CSNK2A2IP: variants seen among roughly 807,000 people sequenced by gnomAD.
CSNK2A2IP encodes the protein casein kinase II subunit alpha'-interacting protein.
the CSNK2A2IP span, among the ~76,000 whole-genome samples, chr3:88,358,708 T>C: frequency 3.3e-5 from 5 of 152,174 alleles, no homozygotes; most frequent in African/African-American, 1.2e-4. Flanking sequence ...ATAATGAATC[T>C]TTTTACTGTG....
At chr3:88,447,166 A>G in the CSNK2A2IP span, among the ~76,000 whole-genome samples, 3 of 152,306 alleles carry the variant, frequency 2.0e-5, no homozygotes, top group Admixed American at 1.3e-4. Flanking sequence ...AAACACATCT[A>G]TTGAAACATA....
chr3:88,436,477 A>C, the CSNK2A2IP span, among the ~76,000 whole-genome samples: 1 of 152,156 alleles, frequency 6.6e-6, no homozygotes, highest in Admixed American at 6.5e-5. Flanking sequence ...TTCCTTAGTC[A>C]AACTGATGGT....
the CSNK2A2IP span, among the ~76,000 whole-genome samples, chr3:88,428,704 C>G: frequency 1.3e-5 from 2 of 151,986 alleles, no homozygotes; most frequent in African/African-American, 4.8e-5. Flanking sequence ...ATTGAGAAAA[C>G]AGTTTGAGGG....
At chr3:88,420,711 T>A in the CSNK2A2IP span, among the ~76,000 whole-genome samples, 1 of 152,132 alleles carries the variant, frequency 6.6e-6, no homozygotes, top group Non-Finnish European at 1.5e-5. Flanking sequence ...GGGCTCAGAC[T>A]AAGGGTTATG....
chr3:88,411,760 A>T, the CSNK2A2IP span, among the ~76,000 whole-genome samples: 7 of 151,676 alleles, frequency 4.6e-5, no homozygotes, highest in Admixed American at 6.6e-5. Context: ...CTGAATTGAG[A>T]TGTTTTGTGA....
At chr3:88,388,323 C>T in the CSNK2A2IP span, among the ~76,000 whole-genome samples, 2 of 152,102 alleles carry the variant, frequency 1.3e-5, no homozygotes, top group Non-Finnish European at 2.9e-5. Context: ...GGTGCTAGGC[C>T]AATTATGTTA....
the CSNK2A2IP span, among the ~76,000 whole-genome samples, chr3:88,453,829 T>C: frequency 6.6e-6 from 1 of 152,052 alleles, no homozygotes; most frequent in African/African-American, 2.4e-5. Flanking sequence ...CTACAATTGG[T>C]TGATTCATTT....
the CSNK2A2IP span, among the ~76,000 whole-genome samples, chr3:88,386,411 C>T: frequency 6.6e-6 from 1 of 152,200 alleles, no homozygotes; most frequent in Non-Finnish European, 1.5e-5. Flanking sequence ...CCGGCGTGAG[C>T]CAGCGTACCC....
the CSNK2A2IP span, among the ~76,000 whole-genome samples, chr3:88,414,733 AT>A: frequency 6.6e-6 from 1 of 151,982 alleles, no homozygotes; most frequent in East Asian, 1.9e-4. Context: ...TGACTGCAAA[AT>A]TAATAGGATT....
the CSNK2A2IP span, among the ~76,000 whole-genome samples, chr3:88,340,935 A>G: frequency 2.6e-5 from 4 of 152,056 alleles, no homozygotes; most frequent in Non-Finnish European, 4.4e-5. Context: ...ATTAGAATCA[A>G]TGTTTGTGTT....
the CSNK2A2IP span, among the ~76,000 whole-genome samples, chr3:88,346,670 A>G: frequency 3.9e-5 from 6 of 151,998 alleles, no homozygotes; most frequent in Non-Finnish European, 7.4e-5. Context: ...AAAAATTTCT[A>G]TATTTTTCAC....
the CSNK2A2IP span, among the ~76,000 whole-genome samples, chr3:88,403,327 G>C: frequency 6.6e-6 from 1 of 152,010 alleles, no homozygotes; most frequent in Admixed American, 6.6e-5. Context: ...ACAAATTCTA[G>C]AAAAGTAAGG....
chr3:88,369,691 G>C, the CSNK2A2IP span, among the ~76,000 whole-genome samples: 2 of 151,922 alleles, frequency 1.3e-5, no homozygotes, highest in Admixed American at 6.6e-5. Flanking sequence ...AGGTGGGCCT[G>C]TTCCTGAAAG....
chr3:88,454,476 T>C, the CSNK2A2IP span, among the ~76,000 whole-genome samples: 1 of 151,966 alleles, frequency 6.6e-6, no homozygotes, highest in African/African-American at 2.4e-5. Context: ...TGGTTTCACA[T>C]CTAAAAATCT....
the CSNK2A2IP span, among the ~76,000 whole-genome samples, chr3:88,347,380 A>G: frequency 1.3e-5 from 2 of 152,046 alleles, no homozygotes; most frequent in Non-Finnish European, 2.9e-5. Context: ...GAAGTCTTTC[A>G]TGAAATCAAT....
the CSNK2A2IP span, among the ~76,000 whole-genome samples, chr3:88,452,620 C>T: frequency 6.6e-6 from 1 of 152,118 alleles, no homozygotes; most frequent in African/African-American, 2.4e-5. Context: ...GACTCAATTA[C>T]AGGTGAAAAT....
At chr3:88,457,837 A>T in the CSNK2A2IP span, among the ~76,000 whole-genome samples, 1 of 151,998 alleles carries the variant, frequency 6.6e-6, no homozygotes, top group African/African-American at 2.4e-5. Context: ...AATTGGCATT[A>T]TTTCTTTCTT....
At chr3:88,450,559 G>T in the CSNK2A2IP span, among the ~76,000 whole-genome samples, 1 of 151,940 alleles carries the variant, frequency 6.6e-6, no homozygotes, top group Non-Finnish European at 1.5e-5. Context: ...TCTGTGTTTG[G>T]GTTATTTCAC....
chr3:88,408,227 G>A, the CSNK2A2IP span, among the ~76,000 whole-genome samples: 2 of 152,094 alleles, frequency 1.3e-5, no homozygotes, highest in Admixed American at 6.5e-5. Flanking sequence ...TCATAAAGGT[G>A]ACAGAGTAAA....
Sources: allele counts gnomAD v4.1 joint callset (sites outside exome capture counted in the v4.1 genomes callset), GRCh38; gene constraint gnomAD v4.1.1; transcripts MANE v1.5; gene names NCBI Gene and HGNC (gene_info 2026-07-23, HGNC 2026-07-21).